WWOX: variants seen among roughly 807,000 people sequenced by gnomAD.
WWOX encodes WW domain-containing oxidoreductase.
WWOX carries 69 observed loss-of-function variants against 46.2 expected under a neutral mutation model. The observed-to-expected ratio is 1.49, with a 90% CI of 1.23 to 1.82. The LOEUF is 1.82. WWOX is among the 40% of genes most tolerant of loss of function. The pLI, the probability that WWOX is intolerant of heterozygous loss-of-function variation, is 0.00. For synonymous variants in WWOX, 359 were observed against 202.6 expected (o/e 1.77, Z -6.56); for missense variants, 919 against 542.6 (o/e 1.69, Z -6.89).
At chr16:78,978,354 T>G (rs900648954) in intron 8 of WWOX, among the ~76,000 whole-genome samples, 1 of 152,176 alleles carries the variant, frequency 6.6e-6, no homozygotes, top group African/African-American at 2.4e-5. Context: ...GGTATATACC[T>G]AGGAGTGGAA....
intron 8 of WWOX, among the ~76,000 whole-genome samples, chr16:78,789,640 A>G (rs1220416390): frequency 6.6e-6 from 1 of 152,110 alleles, no homozygotes; most frequent in East Asian, 1.9e-4. Flanking sequence ...GGTCCCTTGT[A>G]TTTCCATTTG....
At chr16:78,809,312 G>C (rs1488789895) in intron 8 of WWOX, among the ~76,000 whole-genome samples, 1 of 73,868 alleles carries the variant, frequency 1.4e-5, no homozygotes, top group East Asian at 4.4e-4. Context: ...TAGAGATCTT[G>C]AAAAAAAAAA....
At chr16:78,197,975 T>G (rs1276828554) in intron 5 of WWOX, among the ~76,000 whole-genome samples, 1 of 152,112 alleles carries the variant, frequency 6.6e-6, no homozygotes, top group Non-Finnish European at 1.5e-5. Flanking sequence ...TCCATTTTCT[T>G]TCCTTTTTAC....
At chr16:78,566,109 G>A (rs1425939276) in intron 8 of WWOX, among the ~76,000 whole-genome samples, 2 of 152,140 alleles carry the variant, frequency 1.3e-5, no homozygotes, top group African/African-American at 2.4e-5. Flanking sequence ...CCAGATGGAT[G>A]CCTTTGTGTG....
chr16:78,707,374 G>A (rs1472123564), intron 8 of WWOX, among the ~76,000 whole-genome samples: 2 of 152,128 alleles, frequency 1.3e-5, no homozygotes, highest in African/African-American at 4.8e-5. Flanking sequence ...TTGGCCATGC[G>A]TCCTTGTCTG....
intron 8 of WWOX, among the ~76,000 whole-genome samples, chr16:78,455,793 A>G (rs1190812149): frequency 8.1e-6 from 1 of 122,912 alleles, no homozygotes; most frequent in Non-Finnish European, 1.6e-5. Context: ...GGTGAAGGTT[A>G]AAAAAAAAAA....
chr16:79,094,775 G>A (rs945119737), intron 8 of WWOX, among the ~76,000 whole-genome samples: 1 of 152,092 alleles, frequency 6.6e-6, no homozygotes, highest in Non-Finnish European at 1.5e-5. Flanking sequence ...GAGTTTTAAA[G>A]AGACAAGAGG....
intron 8 of WWOX, among the ~76,000 whole-genome samples, chr16:78,635,016 G>A (rs957012244): frequency 3.3e-5 from 5 of 152,082 alleles, no homozygotes; most frequent in Admixed American, 1.3e-4. Flanking sequence ...TTTCGTTTGG[G>A]ATTCCTCATC....
intron 8 of WWOX, among the ~76,000 whole-genome samples, chr16:78,751,262 C>G (rs368651240): frequency 6.6e-6 from 1 of 151,576 alleles, no homozygotes; most frequent in African/African-American, 2.4e-5. Flanking sequence ...ATAAATATAC[C>G]TGGAAACTTT....
At chr16:78,698,889 C>A (rs2048154910) in intron 8 of WWOX, among the ~76,000 whole-genome samples, 1 of 152,108 alleles carries the variant, frequency 6.6e-6, no homozygotes. Flanking sequence ...AATGTTCTGA[C>A]ACTTTTATAA....
At chr16:79,135,659 C>A (rs2049969156) in intron 8 of WWOX, among the ~76,000 whole-genome samples, 1 of 152,080 alleles carries the variant, frequency 6.6e-6, no homozygotes, top group African/African-American at 2.4e-5. Context: ...TATTGACCTC[C>A]CAAAATGTAT....
At chr16:78,497,707 G>T (rs1051685965) in intron 8 of WWOX, among the ~76,000 whole-genome samples, 4 of 152,146 alleles carry the variant, frequency 2.6e-5, no homozygotes, top group African/African-American at 9.7e-5. Context: ...CTTCATGATT[G>T]GATTTCCAAA....
chr16:78,337,073 A>G (rs995145805), intron 5 of WWOX, among the ~76,000 whole-genome samples: 2 of 152,092 alleles, frequency 1.3e-5, no homozygotes, highest in African/African-American at 4.8e-5. Context: ...CAGCTAGTGC[A>G]CCTGACCCTA....
At chr16:78,521,035 C>G (rs1378446952) in intron 8 of WWOX, among the ~76,000 whole-genome samples, 2 of 152,182 alleles carry the variant, frequency 1.3e-5, no homozygotes, top group East Asian at 1.9e-4. Context: ...CAGGCCCCTT[C>G]TGGAAACACA....
intron 8 of WWOX, among the ~76,000 whole-genome samples, chr16:78,613,727 T>G (rs903680356): frequency 1.3e-5 from 2 of 152,194 alleles, no homozygotes; most frequent in Non-Finnish European, 2.9e-5. Flanking sequence ...GAACGAACTT[T>G]CCAGCCGAGA....
intron 5 of WWOX, among the ~76,000 whole-genome samples, chr16:78,205,034 C>G (rs559105913): frequency 6.6e-6 from 1 of 152,180 alleles, no homozygotes; most frequent in African/African-American, 2.4e-5. Flanking sequence ...GTTGAAGACA[C>G]TCTTATGGCA....
chr16:78,222,325 G>A (rs932808610), intron 5 of WWOX, among the ~76,000 whole-genome samples: 1 of 143,576 alleles, frequency 7.0e-6, no homozygotes, highest in East Asian at 2.1e-4. Flanking sequence ...TGAGAGTTTG[G>A]CTGTGACACG....
chr16:78,775,968 C>T lies in WWOX; in HGVS notation c.1056+343216C>T, dbSNP rs187972741. 1.5e-4 allele frequency among the ~76,000 whole-genome samples: 23 copies of T among 152,328 alleles called. No individual in the cohort carries two copies. In the East Asian group the frequency reaches 3.1e-3, roughly 20 times the overall value. The stretch of plus-strand genomic sequence containing the variant: ...CTCTAAACGTAAGACCCTGTGATGA[C>T]TGACACTTACTAGGTTTCTCATTTA... On this transcript the variant is annotated intron_variant, in intron 8 of 8. Transcript: ENST00000566780.
At chr16:78,416,141 T>C (rs918739695) in intron 6 of WWOX, among the ~76,000 whole-genome samples, 12 of 152,212 alleles carry the variant, frequency 7.9e-5, no homozygotes, top group South Asian at 2.1e-4. Flanking sequence ...AAATGCTGAC[T>C]AGTAACATCA....
Sources: gnomAD v4.1 joint callset for allele counts (sites outside exome capture counted in the v4.1 genomes callset) on GRCh38, gnomAD v4.1.1 for gene constraint, MANE v1.5 for transcripts, NCBI Gene and HGNC (gene_info 2026-07-23, HGNC 2026-07-21) for gene names.